HERC6: variants seen among roughly 807,000 people sequenced by gnomAD.
HERC6 encodes HECT and RLD domain containing E3 ubiquitin protein ligase family member 6.
HERC6 carries 101 observed loss-of-function variants against 114.5 expected under a neutral mutation model. The ratio of observed to expected loss-of-function variants is 0.88; its 90% CI spans 0.75 to 1.04. The LOEUF (loss-of-function observed/expected upper bound fraction) is 1.04. Among genes scored for constraint, HERC6 ranks in the 50% least tolerant of loss-of-function variants. The pLI is 0.00. For synonymous variants in HERC6, 408 were observed against 436.2 expected, an observed-to-expected ratio of 0.94 and a Z score of 0.81; for missense variants, 1,133 against 1,230.9, an observed-to-expected ratio of 0.92 and a Z score of 1.19.
At chr4:88,426,273 A>G (rs1737601043) in intron 15 of HERC6, among the ~76,000 whole-genome samples, 1 of 151,980 alleles carries the variant, frequency 6.6e-6, no homozygotes, top group Admixed American at 6.6e-5. Context: ...GGTTCAAGCG[A>G]TTCTTCTGCC....
chr4:88,426,426 C>T (rs1198410554), intron 15 of HERC6, among the ~76,000 whole-genome samples: 1 of 151,702 alleles, frequency 6.6e-6, no homozygotes, highest in Non-Finnish European at 1.5e-5. Flanking sequence ...CCTTGGCCTC[C>T]CAAAGTGCTG....
At chr4:88,433,977 C>A (rs1361415539) in intron 17 of HERC6, among the ~76,000 whole-genome samples, 8 of 152,148 alleles carry the variant, frequency 5.3e-5, no homozygotes, top group Non-Finnish European at 1.5e-5. Context: ...AATCAGCAAG[C>A]ATTTATTTAA....
intron 14 of HERC6, among the ~76,000 whole-genome samples, chr4:88,424,336 A>G (rs1737372508): frequency 6.6e-6 from 1 of 152,078 alleles, no homozygotes; most frequent in Non-Finnish European, 1.5e-5. Context: ...AAAAAATACA[A>G]ATACGTGGTA....
intron 13 of HERC6, among the ~76,000 whole-genome samples, chr4:88,418,443 C>T (rs1330370909): frequency 7.9e-5 from 12 of 152,202 alleles, no homozygotes; most frequent in Admixed American, 3.9e-4. Flanking sequence ...CACTCCTGGA[C>T]GGCAATAGGA....
At chr4:88,380,372 AATATATATATATAATATATAAAT>A (rs1560529501) in intron 1 of HERC6, among the ~76,000 whole-genome samples, 9 of 16,354 alleles carry the variant, frequency 5.5e-4, no homozygotes, top group African/African-American at 5.4e-3. Flanking sequence ...ATAATATATA[AATATATATATATAATATATAAAT>A]ATATATATAT....
At chr4:88,393,461 T>C (rs750582719) in intron 4 of HERC6, 27 bp from the exon 5 acceptor site, 5 of 1,433,662 alleles carry the variant, frequency 3.5e-6, no homozygotes, top group Non-Finnish European at 4.9e-6. Context: ...TTTCTTATAC[T>C]CTAGAGATTC....
rs1354332649 is a variant in HERC6 at position 88,424,551 on chromosome 4, A to T, written c.1828-44A>T. 7 of 1,415,508 alleles carry T rather than the reference A, an allele frequency of 4.9e-6. No individual in the cohort carries two copies. In the Admixed American group the frequency reaches 7.9e-5, roughly 16 times the overall value. The allele number at this position is 1,415,508 out of a possible 1,614,324, so 87.7% of individuals were successfully genotyped here. A position where few individuals can be genotyped will look rare whatever the true frequency, so the allele number is the denominator to read the frequency against. On this transcript the variant is annotated intron_variant, in intron 14 of 22. Coordinates refer to ENST00000264346, the MANE Select transcript of HERC6 (RefSeq NM_017912.4). ...AGGTAAAGGAAGTAAGTTTTTTTTC[A>T]TTGTTTTTAATTATCAAAACTATTA...
chr4:88,413,231 T>A lies in HERC6; in HGVS notation c.1523T>A (p.Val508Glu). 6.2e-7 allele frequency: 1 copy of A among 1,613,316 alleles called. No individual in the cohort carries two copies. Among genetic ancestry groups the A allele is most frequent in the South Asian group, 1.1e-5 (1 of 91,028 alleles). ...KNLVVPFAKA[V>E]CEMSKQSLQV... ...CTGGTGGTTCCATTTGCAAAGGCTG[T>A]GTGTGAAATGAGTAAACAATCTTTG... Residue 508 changes from valine (V) to glutamate (E), a missense_variant, in exon 12 of 23, where the codon GTG (valine) becomes GAG (glutamate). Around this residue, in one of 3 missense-constraint regions of HERC6, gnomAD observed 735 missense variants for 754.0 expected, o/e 0.97. Coordinates refer to ENST00000264346, the MANE Select transcript of HERC6 (RefSeq NM_017912.4).
chr4:88,414,936 G>A (rs182301607), intron 12 of HERC6, among the ~76,000 whole-genome samples: 124 of 152,242 alleles, frequency 8.1e-4, no homozygotes, highest in Non-Finnish European at 1.2e-3. Flanking sequence ...TCAAGATGGA[G>A]TTGCTCTGGT....
At chr4:88,442,116 TTCTC>T (rs1290330206) in intron 22 of HERC6, 114 bp from the exon 23 acceptor site, 2 of 752,554 alleles carry the variant, frequency 2.7e-6, no homozygotes, top group Non-Finnish European at 4.5e-6. Context: ...TCTAGGACAG[TTCTC>T]TCTGCCTAAG....
At chr4:88,396,793 C>T in intron 6 of HERC6, 58 bp from the exon 7 acceptor site, 2 of 1,412,966 alleles carry the variant, frequency 1.4e-6, no homozygotes, top group Non-Finnish European at 1.9e-6. Context: ...GGGACATCAT[C>T]TTTCTCAAAA....
intron 1 of HERC6, among the ~76,000 whole-genome samples, chr4:88,381,809 G>A (rs997759742): frequency 1.3e-5 from 2 of 152,024 alleles, no homozygotes; most frequent in African/African-American, 4.8e-5. Flanking sequence ...ACCCGCCTCG[G>A]CCTCCCAAAG....
At position 88,431,157 on chromosome 4, in the gene HERC6, C is replaced by G. The variant is rs1435561661; in HGVS notation, c.2107-5C>G. 4.4e-6 allele frequency: 7 copies of G among 1,603,214 alleles called. No homozygotes were observed. Among genetic ancestry groups the G allele is most frequent in the Non-Finnish European group, 5.9e-6 (7 of 1,176,490 alleles). On this transcript the variant is annotated splice_polypyrimidine_tract_variant and splice_region_variant and intron_variant, in intron 16 of 22. Coordinates refer to ENST00000264346, the MANE Select transcript of HERC6 (RefSeq NM_017912.4). ...AGGATCTGGGACTATGTTCTCTTTC[C>G]TTAGGTTGAATTTATTAATGAAATT...
chr4:88,383,763 C>CAAAAAAAAA (rs753643806), intron 2 of HERC6, among the ~76,000 whole-genome samples: 12 of 28,758 alleles, frequency 4.2e-4, no homozygotes, highest in East Asian at 1.1e-3. Flanking sequence ...GACTCAGTCT[C>CAAAAAAAAA]AAAAAAAAAA....
rs148998456 is a variant in HERC6 at position 88,428,823 on chromosome 4, C to T, written c.2106+73C>T. The T allele has an allele frequency of 3.9e-3, 4,938 of 1,262,848 alleles. 26 individuals carry two copies. Among genetic ancestry groups the T allele is most frequent in the Non-Finnish European group, 4.8e-3 (4,520 of 945,628 alleles). 78.2% of individuals were successfully genotyped at this position (1,262,848 alleles called of 1,614,324 possible). A position where few individuals can be genotyped will look rare whatever the true frequency, so the allele number is the denominator to read the frequency against. ...GCATTCATATGATGTAACAAATGCT[C>T]TCTGAAAAGAGCCTGCATTTGCCTC... On this transcript the variant is annotated intron_variant, in intron 16 of 22. Coordinates refer to ENST00000264346, the MANE Select transcript of HERC6 (RefSeq NM_017912.4).
chr4:88,380,321 T>A (rs1178012367), intron 1 of HERC6, among the ~76,000 whole-genome samples: 2 of 6,784 alleles, frequency 2.9e-4, no homozygotes, highest in Admixed American at 2.6e-3. Flanking sequence ...TATATAAATA[T>A]ATATATAATA....
intron 17 of HERC6, 40 bp from the exon 18 acceptor site, chr4:88,435,684 AT>A: frequency 7.7e-7 from 1 of 1,295,326 alleles, no homozygotes; most frequent in Non-Finnish European, 1.0e-6. Flanking sequence ...TGTATTACTA[AT>A]TATTTATAAT....
chr4:88,426,996 G>A (rs1038426475), intron 15 of HERC6, among the ~76,000 whole-genome samples: 9 of 152,120 alleles, frequency 5.9e-5, no homozygotes, highest in Non-Finnish European at 2.9e-5. Context: ...GTTTCTCTCT[G>A]GGTCATTTGT....
At chr4:88,393,729 A>T (rs1560537905) in intron 5 of HERC6, 147 bp downstream of exon 5, 2 of 489,374 alleles carry the variant, frequency 4.1e-6, no homozygotes, top group Non-Finnish European at 7.5e-6. Context: ...TATGAACAAT[A>T]GAGATCTATT....
Sources: gnomAD v4.1 joint callset for allele counts (sites outside exome capture counted in the v4.1 genomes callset) on GRCh38, gnomAD v4.1.1 for gene constraint, gnomAD v4.1.1 regional missense constraint, MANE v1.5 for transcripts, NCBI Gene and HGNC (gene_info 2026-07-23, HGNC 2026-07-21) for gene names.